Variants in LZTS1 observed in about 807,000 individuals in gnomAD.
The protein encoded by LZTS1 is leucine zipper putative tumor suppressor 1.
Under a neutral mutation model 45.8 loss-of-function variants are expected in LZTS1, and 31 were observed. The observed-to-expected ratio is 0.68, with a 90% confidence interval of 0.51 to 0.91. The LOEUF is 0.91. Among genes scored for constraint, LZTS1 ranks in the 40% least tolerant of loss-of-function variants. The pLI is 0.00. For synonymous variants in LZTS1, 359 were observed against 357.3 expected (o/e 1.00, Z -0.05); for missense variants, 821 against 788.9 (o/e 1.04, Z -0.49).
intron 1 of LZTS1, among the ~76,000 whole-genome samples, chr8:20,302,848 A>T (rs1283618337): frequency 1.3e-5 from 2 of 151,914 alleles, no homozygotes. Context: ...GGCCTGACAT[A>T]CTCGTGGGCG....
At chr8:20,260,482 T>C (rs1390940) in intron 1 of LZTS1, among the ~76,000 whole-genome samples, 125,293 of 152,174 alleles carry the variant, frequency 0.82, 51,735 homozygotes, top group African/African-American at 0.86. Flanking sequence ...CAGGCCCAAA[T>C]GCCACAATCT....
At chr8:20,285,832 G>T (rs1229235493) in intron 1 of LZTS1, among the ~76,000 whole-genome samples, 1 of 152,136 alleles carries the variant, frequency 6.6e-6, no homozygotes, top group South Asian at 2.1e-4. Context: ...TAAATAAATT[G>T]ACCAATGGAA....
At chr8:20,252,265 C>T (rs1419196181) in intron 3 of LZTS1, among the ~76,000 whole-genome samples, 1 of 152,148 alleles carries the variant, frequency 6.6e-6, no homozygotes, top group Admixed American at 6.5e-5. Flanking sequence ...TCCATCTCAG[C>T]TCACCAAATA....
At chr8:20,266,075 T>A (rs1026281691) in intron 1 of LZTS1, among the ~76,000 whole-genome samples, 1 of 151,432 alleles carries the variant, frequency 6.6e-6, no homozygotes, top group African/African-American at 2.4e-5. Flanking sequence ...CAGGCTGGAG[T>A]GCAGTGGTGC....
rs75744702 is a variant in LZTS1, at chr8:20,251,996, G to T, written c.1149+786C>A. ...TAGACTGAGAGTTGGACTCTGAACT[G>T]GGGGTGAGGCAGGCACGTGGACAGA... On this transcript the variant is annotated intron_variant, in intron 3 of 3. Coordinates refer to ENST00000381569, the MANE Select transcript of LZTS1 (RefSeq NM_021020.5). Among the ~76,000 whole-genome samples the T allele has an allele frequency of 5.5e-4, 84 of 152,248 alleles. 3 individuals are homozygous for T. The East Asian group carries it at 0.015, about 27-fold the overall frequency.
chr8:20,258,436 C>T (rs1162601289), intron 1 of LZTS1, among the ~76,000 whole-genome samples: 1 of 152,090 alleles, frequency 6.6e-6, no homozygotes, highest in Non-Finnish European at 1.5e-5. Flanking sequence ...CTCTGTGACT[C>T]TGAATATCTA....
intron 1 of LZTS1, among the ~76,000 whole-genome samples, chr8:20,302,520 G>C (rs1801098212): frequency 6.6e-6 from 1 of 152,184 alleles, no homozygotes; most frequent in Non-Finnish European, 1.5e-5. Flanking sequence ...TCAGGGTCTT[G>C]GTGCAGGAAC....
intron 1 of LZTS1, among the ~76,000 whole-genome samples, chr8:20,285,248 C>G (rs1563892067): frequency 6.6e-6 from 1 of 152,222 alleles, no homozygotes; most frequent in East Asian, 1.9e-4. Flanking sequence ...GTGAGCTCAT[C>G]AACTTCCACA....
rs73669752 is a variant in LZTS1 at position 20,247,394 on chromosome 8, G to T, written c.*2328C>A. 6,286 of 152,840 alleles carry T rather than the reference G, an allele frequency of 0.041. 201 individuals are homozygous for T. Among genetic ancestry groups the T allele is most frequent in the East Asian group, 0.11 (567 of 5,148 alleles). The allele number at this position is 152,840 out of a possible 1,614,324, so 9.5% of individuals were successfully genotyped here. A position where few individuals can be genotyped will look rare whatever the true frequency, so the allele number is the denominator to read the frequency against. On this transcript the variant is annotated 3_prime_UTR_variant, in exon 4 of 4. Coordinates refer to ENST00000381569, the MANE Select transcript of LZTS1 (RefSeq NM_021020.5). Reference sequence around the variant, plus strand: ...GGAGGGGGAGCCAGCCCTTTCCTCTGTCTCCGTGGGGCAGTCTCACTGGGA... The same window carrying T: ...GGAGGGGGAGCCAGCCCTTTCCTCTTTCTCCGTGGGGCAGTCTCACTGGGA...
intron 2 of LZTS1, among the ~76,000 whole-genome samples, chr8:20,254,533 T>A (rs551459754): frequency 6.6e-6 from 1 of 152,234 alleles, no homozygotes; most frequent in Non-Finnish European, 1.5e-5. Context: ...GCCTGGATCC[T>A]ACGTTGACAA....
In LZTS1 at chr8:20,254,962, C is replaced by T. The variant is rs1207003922; in HGVS notation, c.220G>A (p.Ala74Thr). 1.9e-5 allele frequency: 30 copies of T among 1,614,082 alleles called. No homozygotes were observed. The highest frequency in any genetic ancestry group is 2.5e-5 in the Non-Finnish European group (30 of 1,180,046). Residue 74 changes from alanine to threonine, a missense_variant, in exon 2 of 4, where the codon GCC (alanine) becomes ACC (threonine). Ala to Thr is a moderately conservative substitution (Grantham distance 58). Transcript: ENST00000381569. ...TAATCTGGGTGATGGGAGCCCCGGG[C>T]TTTCTGGCTGACCTTGATGTAGAAG... is the stretch of plus-strand genomic sequence containing the variant. ...DFFYIKVSQKARGSHHPDYTA... is the reference protein window; with the variant it reads ...DFFYIKVSQKTRGSHHPDYTA...
chr8:20,298,977 C>T (rs1585306563), intron 1 of LZTS1, among the ~76,000 whole-genome samples: 1 of 152,242 alleles, frequency 6.6e-6, no homozygotes, highest in East Asian at 1.9e-4. Context: ...GCCGTAAGCT[C>T]ACCAGCTATG....
chr8:20,249,627 T>A lies in LZTS1; in HGVS notation c.*95A>T, dbSNP rs1185879455. 2 of 1,456,076 alleles carry A rather than the reference T, an allele frequency of 1.4e-6. No individual in the cohort carries two copies. The highest frequency in any genetic ancestry group is 1.8e-6 in the Non-Finnish European group (2 of 1,089,882). 90.2% of individuals were successfully genotyped at this position (1,456,076 alleles called of 1,614,324 possible). A position where few individuals can be genotyped will look rare whatever the true frequency, so the allele number is the denominator to read the frequency against. ...GGTCTGTGTCCCAGGGAGTGGCGTC[T>A]CTCAGAGGGGTCTGAATTGCTGAGC... On this transcript the variant is annotated 3_prime_UTR_variant, in exon 4 of 4. Transcript: ENST00000381569.
At chr8:20,279,073 C>G (rs7818837) in intron 1 of LZTS1, among the ~76,000 whole-genome samples, 90,381 of 152,046 alleles carry the variant, frequency 0.59, 27,321 homozygotes, top group Middle Eastern at 0.64. Flanking sequence ...CACAAAACTT[C>G]TCCCTATATC....
chr8:20,257,661 C>A (rs1041324042), intron 1 of LZTS1, among the ~76,000 whole-genome samples: 2 of 146,862 alleles, frequency 1.4e-5, no homozygotes, highest in African/African-American at 5.0e-5. Context: ...TCTAAGACAC[C>A]CTTAAACTTT....
chr8:20,299,574 T>C (rs1467576549), intron 1 of LZTS1, among the ~76,000 whole-genome samples: 1 of 152,116 alleles, frequency 6.6e-6, no homozygotes, highest in Non-Finnish European at 1.5e-5. Flanking sequence ...AGACCTTTAA[T>C]AAATAGTGAA....
rs1245771979 is a variant in LZTS1, at chr8:20,303,754, T to A, written c.-149A>T. 1 of 981,820 alleles carries A rather than the reference T, an allele frequency of 1.0e-6. No homozygotes were observed. Among genetic ancestry groups the A allele is most frequent in the African/African-American group, 1.8e-5 (1 of 56,372 alleles). 60.8% of individuals were successfully genotyped at this position (981,820 alleles called of 1,614,324 possible). On this transcript the variant is annotated 5_prime_UTR_variant, in exon 1 of 4. Coordinates refer to ENST00000381569, the MANE Select transcript of LZTS1 (RefSeq NM_021020.5). ...CCGCACCTTACCTGCCCCCTGCGCC[T>A]CGGGCGCACTTGAGACTTTTTTTTT...
chr8:20,255,844 G>T lies in LZTS1; in HGVS notation c.-134-529C>A, dbSNP rs182333996. ...AATCCCAGCACTCTGGGAGGCTGAG[G>T]TGGGCAGATTGCTTGAGTCCAGGAG... On this transcript the variant is annotated intron_variant, in intron 1 of 3. Transcript: ENST00000381569. Among the ~76,000 whole-genome samples, 209 of 152,146 alleles carry T rather than the reference G, an allele frequency of 1.4e-3. 1 individual carries two copies. In the East Asian group the frequency reaches 0.033, roughly 24 times the overall value.
intron 1 of LZTS1, among the ~76,000 whole-genome samples, chr8:20,292,811 T>A (rs190903378): frequency 6.6e-6 from 1 of 152,320 alleles, no homozygotes; most frequent in East Asian, 1.9e-4. Flanking sequence ...GAAAGAGCCC[T>A]GATGTGGACC....
Sources: allele counts gnomAD v4.1 joint callset (sites outside exome capture counted in the v4.1 genomes callset), GRCh38; gene constraint gnomAD v4.1.1; transcripts MANE v1.5; gene names NCBI Gene and HGNC (gene_info 2026-07-23, HGNC 2026-07-21).